The following DECR1 variants were observed in gnomAD, a reference collection of about 807,000 sequenced individuals.
DECR1 encodes 2,4-dienoyl-CoA reductase 1, also known as 2,4-dienoyl-CoA reductase [(3E)-enoyl-CoA-producing], mitochondrial.
DECR1 carries 44 observed loss-of-function variants against 38.8 expected under a neutral mutation model. That is an observed-to-expected ratio of 1.13 (90% CI 0.89 to 1.46). The LOEUF (loss-of-function observed/expected upper bound fraction) is 1.46. Among genes scored for constraint, DECR1 ranks in the 40% most tolerant of loss-of-function variants. The pLI is 0.00. For synonymous variants in DECR1, 148 were observed against 135.2 expected (o/e 1.09, Z -0.66); for missense variants, 428 against 405.5 (o/e 1.06, Z -0.48).
intron 5 of DECR1, among the ~76,000 whole-genome samples, chr8:90,028,065 T>C (rs1444158927): frequency 6.6e-6 from 1 of 152,140 alleles, no homozygotes; most frequent in Non-Finnish European, 1.5e-5. Context: ...GTTTAGTGAT[T>C]AGGATTTGAG....
At chr8:90,038,499 C>T (rs925735835) in intron 6 of DECR1, among the ~76,000 whole-genome samples, 1 of 130,028 alleles carries the variant, frequency 7.7e-6, no homozygotes, top group Non-Finnish European at 1.6e-5. Flanking sequence ...GCTCTTGTTG[C>T]CCAGGCTGGA....
At chr8:90,001,662 C>A in intron 1 of DECR1, 101 bp downstream of exon 1, 2 of 1,123,630 alleles carry the variant, frequency 1.8e-6, no homozygotes, top group Non-Finnish European at 2.6e-6. Context: ...GACAAGGCAT[C>A]CTGGGGCGCA....
At chr8:90,039,962 A>G (rs1447083402) in intron 6 of DECR1, among the ~76,000 whole-genome samples, 2 of 152,218 alleles carry the variant, frequency 1.3e-5, no homozygotes, top group African/African-American at 2.4e-5. Context: ...GCATCTTAAC[A>G]TGCAGAGATA....
At chr8:90,040,161 G>A (rs956892097) in intron 6 of DECR1, among the ~76,000 whole-genome samples, 1 of 152,154 alleles carries the variant, frequency 6.6e-6, no homozygotes, top group African/African-American at 2.4e-5. Flanking sequence ...GGATAATATA[G>A]ACTCTGCTCA....
intron 5 of DECR1, chr8:90,030,554 T>C (rs904303333): frequency 6.6e-6 from 1 of 152,188 alleles, no homozygotes; most frequent in East Asian, 1.9e-4. Context: ...TAACACTTCT[T>C]TCAATTATGT....
At chr8:90,002,758 T>C (rs2129983449) in intron 1 of DECR1, among the ~76,000 whole-genome samples, 1 of 152,200 alleles carries the variant, frequency 6.6e-6, no homozygotes, top group East Asian at 1.9e-4. Context: ...GTGAGATTTG[T>C]TCAGGGTTAG....
chr8:90,025,630 A>G (rs1230727906), intron 5 of DECR1, among the ~76,000 whole-genome samples: 3 of 152,156 alleles, frequency 2.0e-5, no homozygotes, highest in Non-Finnish European at 4.4e-5. Context: ...GGCTAAGATG[A>G]TGGGGTTTTC....
intron 5 of DECR1, among the ~76,000 whole-genome samples, chr8:90,030,143 AG>A (rs1408470970): frequency 6.6e-6 from 1 of 152,084 alleles, no homozygotes; most frequent in Non-Finnish European, 1.5e-5. Flanking sequence ...AGTTTGCAAT[AG>A]GGTTTGCGCT....
chr8:90,047,766 T>C (rs1315647378), intron 8 of DECR1, among the ~76,000 whole-genome samples: 1 of 152,212 alleles, frequency 6.6e-6, no homozygotes, highest in African/African-American at 2.4e-5. Context: ...TATTCCAAAA[T>C]TGACCACATA....
chr8:90,003,773 C>G (rs1050755727), intron 1 of DECR1, among the ~76,000 whole-genome samples: 2 of 151,996 alleles, frequency 1.3e-5, no homozygotes, highest in Non-Finnish European at 2.9e-5. Context: ...AACCCTGTCT[C>G]TAGTAAAAAT....
intron 4 of DECR1, among the ~76,000 whole-genome samples, chr8:90,019,638 G>A (rs1262060881): frequency 2.6e-5 from 4 of 152,242 alleles, no homozygotes; most frequent in Non-Finnish European, 5.9e-5. Context: ...TGGTGGGTAT[G>A]TCTAAAGAGG....
chr8:90,006,859 G>A (rs995325654), intron 1 of DECR1, among the ~76,000 whole-genome samples: 6 of 152,140 alleles, frequency 3.9e-5, no homozygotes, highest in African/African-American at 1.4e-4. Context: ...GAATGTATGG[G>A]GTAAGATGAA....
At chr8:90,005,593 T>G (rs1385174765) in intron 1 of DECR1, 6 of 373,498 alleles carry the variant, frequency 1.6e-5, no homozygotes, top group Non-Finnish European at 2.6e-5. Context: ...TGAAGGCAGC[T>G]GGCTCCCAAA....
At chr8:90,030,945 A>AT (rs1813479331) in intron 5 of DECR1, among the ~76,000 whole-genome samples, 2 of 152,126 alleles carry the variant, frequency 1.3e-5, no homozygotes, top group Admixed American at 1.3e-4. Context: ...TCTTAGAGCA[A>AT]CTGTGTACCT....
rs192485372 is a variant in DECR1, at chr8:90,009,069, G to A, written c.69+7508G>A. On this transcript the variant is annotated intron_variant, in intron 1 of 9. Coordinates refer to ENST00000220764, the MANE Select transcript of DECR1 (RefSeq NM_001359.2). ...ATTCTCTCCTTAAAACTTAGAAGAT[G>A]TTTCCCACTTGCCTCAGAGTAAAAG... 8.5e-5 allele frequency among the ~76,000 whole-genome samples: 13 copies of A among 152,254 alleles called. No homozygotes were observed. In the East Asian group the frequency reaches 1.9e-3, roughly 23 times the overall value.
At chr8:90,026,559 C>T (rs750821881) in intron 5 of DECR1, among the ~76,000 whole-genome samples, 10 of 152,006 alleles carry the variant, frequency 6.6e-5, no homozygotes, top group African/African-American at 9.7e-5. Flanking sequence ...TCTGTGGGAT[C>T]GGTGGTGATA....
intron 6 of DECR1, 76 bp from the exon 7 acceptor site, chr8:90,042,652 A>G (rs1166938107): frequency 1.6e-6 from 2 of 1,215,928 alleles, no homozygotes; most frequent in Non-Finnish European, 2.4e-6. Flanking sequence ...GTAAGCATCT[A>G]GTGAGTCTCA....
chr8:90,013,647 CT>C, intron 1 of DECR1, among the ~76,000 whole-genome samples: 1 of 152,004 alleles, frequency 6.6e-6, no homozygotes, highest in East Asian at 1.9e-4. Context: ...GAGCTTCTGA[CT>C]TTTATGTGAA....
chr8:90,001,797 A>G (rs572814955), intron 1 of DECR1, among the ~76,000 whole-genome samples: 14 of 143,536 alleles, frequency 9.8e-5, no homozygotes, highest in Non-Finnish European at 4.5e-5. Context: ...CCGGGGCTCA[A>G]AGAGAGAGGA....
Sources: allele counts gnomAD v4.1 joint callset (sites outside exome capture counted in the v4.1 genomes callset), GRCh38; gene constraint gnomAD v4.1.1; transcripts MANE v1.5; gene names NCBI Gene and HGNC (gene_info 2026-07-23, HGNC 2026-07-21).